GRM7: variants seen among roughly 807,000 people sequenced by gnomAD.
GRM7 encodes the protein glutamate metabotropic receptor 7.
Under a neutral mutation model 84.5 loss-of-function variants are expected in GRM7, and 35 were observed. The ratio of observed to expected loss-of-function variants is 0.41; its 90% CI spans 0.32 to 0.55. GRM7 has a LOEUF of 0.55. Among genes scored for constraint, GRM7 ranks in the 20% least tolerant of loss-of-function variants. GRM7 has a pLI of 0.19. For missense variants in GRM7, 1,003 were observed against 1,194.6 expected (o/e 0.84, Z 2.36); for synonymous variants, 487 against 455.1 (o/e 1.07, Z -0.89).
intron 2 of GRM7, among the ~76,000 whole-genome samples, chr3:7,255,060 G>C (rs999719400): frequency 7.2e-5 from 11 of 152,114 alleles, no homozygotes; most frequent in African/African-American, 2.7e-4. Context: ...ATTTTCCTCT[G>C]CAAATATTTC....
intron 1 of GRM7, among the ~76,000 whole-genome samples, chr3:7,104,475 C>G (rs112161550): frequency 0.041 from 6,274 of 151,782 alleles, 133 homozygotes; most frequent in Middle Eastern, 0.11. Context: ...TGAATATTTT[C>G]TCTTTATAAA....
intron 7 of GRM7, among the ~76,000 whole-genome samples, chr3:7,501,365 C>A (rs1179542928): frequency 6.6e-6 from 1 of 152,166 alleles, no homozygotes; most frequent in Non-Finnish European, 1.5e-5. Context: ...GGAACACTTG[C>A]AGCTTCTGCT....
At chr3:7,255,239 T>C (rs1698152053) in intron 2 of GRM7, among the ~76,000 whole-genome samples, 1 of 152,240 alleles carries the variant, frequency 6.6e-6, no homozygotes, top group Non-Finnish European at 1.5e-5. Flanking sequence ...GGTCAAATCC[T>C]TTTACAAATT....
intron 9 of GRM7, among the ~76,000 whole-genome samples, chr3:7,737,843 A>T (rs775166453): frequency 5.2e-5 from 7 of 134,468 alleles, no homozygotes; most frequent in Non-Finnish European, 8.0e-5. Context: ...TATTCTCCCA[A>T]TTTTTTTTTT....
intron 2 of GRM7, among the ~76,000 whole-genome samples, chr3:7,236,190 A>G (rs1359464713): frequency 2.0e-5 from 3 of 152,186 alleles, no homozygotes; most frequent in Non-Finnish European, 4.4e-5. Flanking sequence ...AACCCCATCT[A>G]TTAATACTAT....
intron 2 of GRM7, among the ~76,000 whole-genome samples, chr3:7,258,863 C>G (rs1009780488): frequency 6.6e-6 from 1 of 152,198 alleles, no homozygotes; most frequent in East Asian, 1.9e-4. Flanking sequence ...GGACCTTGAG[C>G]AGGTACACAA....
At chr3:7,316,002 A>G (rs1306133316) in intron 4 of GRM7, among the ~76,000 whole-genome samples, 3 of 152,290 alleles carry the variant, frequency 2.0e-5, no homozygotes, top group Admixed American at 2.0e-4. Flanking sequence ...TGGAGTGGTC[A>G]AGATACTCTC....
At chr3:6,956,942 C>A (rs551933031) in intron 1 of GRM7, among the ~76,000 whole-genome samples, 1 of 152,240 alleles carries the variant, frequency 6.6e-6, no homozygotes, top group South Asian at 2.1e-4. Context: ...TGATACTTTA[C>A]AAAAATGCTG....
intron 4 of GRM7, among the ~76,000 whole-genome samples, chr3:7,387,543 G>A (rs760774281): frequency 1.3e-5 from 2 of 152,052 alleles, no homozygotes; most frequent in African/African-American, 2.4e-5. Context: ...AATTGACTAG[G>A]ATATATTTTC....
At chr3:6,865,192 A>G (rs1042747321) in intron 1 of GRM7, among the ~76,000 whole-genome samples, 1 of 152,330 alleles carries the variant, frequency 6.6e-6, no homozygotes, top group Non-Finnish European at 1.5e-5. Context: ...GCGCAAAATA[A>G]TACTCTCCTA....
At chr3:7,594,233 G>A (rs1272163027) in intron 8 of GRM7, among the ~76,000 whole-genome samples, 1 of 152,036 alleles carries the variant, frequency 6.6e-6, no homozygotes, top group African/African-American at 2.4e-5. Flanking sequence ...ATCCCTCATT[G>A]ATTCAGCAAA....
intron 7 of GRM7, among the ~76,000 whole-genome samples, chr3:7,538,314 GTT>G (rs1692665775): frequency 6.6e-6 from 1 of 152,124 alleles, no homozygotes. Context: ...GTTTCACCAT[GTT>G]GGCCAGCCTG....
At chr3:7,299,166 A>T (rs1213441402) in intron 3 of GRM7, among the ~76,000 whole-genome samples, 1 of 152,206 alleles carries the variant, frequency 6.6e-6, no homozygotes, top group African/African-American at 2.4e-5. Flanking sequence ...AAAATGTCTT[A>T]AAATTCTGGT....
intron 1 of GRM7, among the ~76,000 whole-genome samples, chr3:7,069,666 G>A (rs1163890137): frequency 6.6e-6 from 1 of 152,114 alleles, no homozygotes; most frequent in Non-Finnish European, 1.5e-5. Context: ...AGTAGGCAGG[G>A]AAATTTTGTG....
At chr3:7,536,638 T>G (rs1242258481) in intron 7 of GRM7, among the ~76,000 whole-genome samples, 1 of 152,214 alleles carries the variant, frequency 6.6e-6, no homozygotes, top group Non-Finnish European at 1.5e-5. Flanking sequence ...GTTTTCTCTC[T>G]TGGATCACTA....
intron 2 of GRM7, among the ~76,000 whole-genome samples, chr3:7,231,890 G>A (rs1454849413): frequency 6.6e-6 from 1 of 152,144 alleles, no homozygotes; most frequent in African/African-American, 2.4e-5. Flanking sequence ...TTTATATTGG[G>A]CACTATGCTA....
chr3:7,667,860 CAAAAAAA>C (rs61182264), intron 8 of GRM7, among the ~76,000 whole-genome samples: 1 of 128,444 alleles, frequency 7.8e-6, no homozygotes, highest in Non-Finnish European at 1.7e-5. Flanking sequence ...AGATTTATGT[CAAAAAAA>C]AAAAAAAAAA....
intron 7 of GRM7, among the ~76,000 whole-genome samples, chr3:7,508,079 G>A (rs537206637): frequency 1.3e-5 from 2 of 152,266 alleles, no homozygotes; most frequent in South Asian, 2.1e-4. Context: ...CAATGTCTGT[G>A]TGCTGAAAGC....
intron 2 of GRM7, among the ~76,000 whole-genome samples, chr3:7,271,562 TAAAAAAAA>T (rs71063298): frequency 1.0e-4 from 9 of 88,784 alleles, no homozygotes; most frequent in African/African-American, 3.5e-4. Flanking sequence ...CCGCCTCAAA[TAAAAAAAA>T]AAAAAAAAAA....
Sources: gnomAD v4.1 joint callset for allele counts (sites outside exome capture counted in the v4.1 genomes callset) on GRCh38, gnomAD v4.1.1 for gene constraint, MANE v1.5 for transcripts, NCBI Gene and HGNC (gene_info 2026-07-23, HGNC 2026-07-21) for gene names.